Variants in RFTN2 observed in about 807,000 individuals in gnomAD.
RFTN2 encodes the protein raftlin-2.
In RFTN2, 34 loss-of-function variants were observed where a neutral mutation model predicts 52.7. The observed-to-expected ratio is 0.64, with a 90% CI of 0.49 to 0.86. The LOEUF is 0.86. RFTN2 is among the 40% of genes least tolerant of loss of function. RFTN2 has a pLI of 0.00. For missense variants in RFTN2, 536 were observed against 600.1 expected (o/e 0.89, Z 1.12); for synonymous variants, 203 against 217.7 (o/e 0.93, Z 0.59).
At chr2:197,634,498 T>C (rs775367138) in intron 3 of RFTN2, among the ~76,000 whole-genome samples, 10 of 152,074 alleles carry the variant, frequency 6.6e-5, no homozygotes, top group Non-Finnish European at 1.5e-5. Context: ...TGTGTAGGTA[T>C]AAAGCACAAG....
intron 3 of RFTN2, among the ~76,000 whole-genome samples, chr2:197,640,192 G>A (rs1442107516): frequency 1.1e-4 from 17 of 152,218 alleles, no homozygotes; most frequent in Non-Finnish European, 1.5e-4. Context: ...CTGTCTTTTT[G>A]TCTGTGCCCT....
intron 7 of RFTN2, among the ~76,000 whole-genome samples, chr2:197,604,228 C>T (rs1044177315): frequency 1.3e-5 from 2 of 152,170 alleles, no homozygotes; most frequent in African/African-American, 4.8e-5. Context: ...ATTTATCTAA[C>T]AAAGCTAAAG....
chr2:197,624,026 T>C (rs759136048), intron 5 of RFTN2, among the ~76,000 whole-genome samples: 3 of 152,110 alleles, frequency 2.0e-5, no homozygotes, highest in Admixed American at 6.6e-5. Flanking sequence ...CTCGAACTCC[T>C]GACCTCAAGT....
chr2:197,640,421 C>A (rs528588151), intron 3 of RFTN2, among the ~76,000 whole-genome samples: 409 of 101,234 alleles, frequency 4.0e-3, no homozygotes, highest in South Asian at 6.9e-3. Context: ...AGCCAGGTGC[C>A]GGATATAATC....
At chr2:197,619,784 TA>T (rs1240340514) in intron 5 of RFTN2, among the ~76,000 whole-genome samples, 66 of 147,768 alleles carry the variant, frequency 4.5e-4, no homozygotes, top group African/African-American at 1.3e-3. Flanking sequence ...AAAATAAAAT[TA>T]AAAAAAAACA....
chr2:197,600,946 C>A (rs1307063947), intron 7 of RFTN2, among the ~76,000 whole-genome samples: 2 of 152,142 alleles, frequency 1.3e-5, no homozygotes, highest in Non-Finnish European at 2.9e-5. Flanking sequence ...GTTTTGGTGA[C>A]AAGTATAGAG....
At chr2:197,658,808 G>A (rs562712151) in intron 1 of RFTN2, among the ~76,000 whole-genome samples, 1 of 152,124 alleles carries the variant, frequency 6.6e-6, no homozygotes, top group African/African-American at 2.4e-5. Context: ...TACATTATTT[G>A]TAAGAGCTTT....
chr2:197,583,614 G>A (rs111232582), intron 8 of RFTN2, among the ~76,000 whole-genome samples: 65,886 of 151,354 alleles, frequency 0.44, 14,734 homozygotes, highest in South Asian at 0.57. Flanking sequence ...AAAAGGACTG[G>A]ACAGTACTTC....
intron 8 of RFTN2, among the ~76,000 whole-genome samples, chr2:197,575,379 CGA>C (rs1319584452): frequency 6.6e-6 from 1 of 152,126 alleles, no homozygotes; most frequent in Admixed American, 6.5e-5. Flanking sequence ...TTATTTTGAG[CGA>C]GTGTCTAGAA....
At position 197,616,038 on chromosome 2, in the gene RFTN2, T is replaced by C. The variant is rs145667219; in HGVS notation, c.1051-59A>G. On this transcript the variant is annotated intron_variant, in intron 6 of 8. Coordinates refer to ENST00000295049, the MANE Select transcript of RFTN2 (RefSeq NM_144629.3). ...TGGCAAAGACAACCAACTACACAAT[T>C]ACAACAAAGGGTGATGCGTGTTAGG... 1.6e-5 allele frequency: 16 copies of C among 994,668 alleles called. No individual in the cohort carries two copies. In the African/African-American group the frequency reaches 2.6e-4, roughly 16 times the overall value. The allele number at this position is 994,668 out of a possible 1,614,324, so 61.6% of individuals were successfully genotyped here.
chr2:197,620,839 G>A (rs1205812882), intron 5 of RFTN2, among the ~76,000 whole-genome samples: 1 of 152,186 alleles, frequency 6.6e-6, no homozygotes, highest in Non-Finnish European at 1.5e-5. Context: ...GGTGGCGCAT[G>A]CCTGTAATCC....
intron 7 of RFTN2, among the ~76,000 whole-genome samples, chr2:197,608,521 C>G (rs1192829575): frequency 6.6e-6 from 1 of 151,372 alleles, no homozygotes; most frequent in Non-Finnish European, 1.5e-5. Context: ...ACCATGTTAG[C>G]TAGGCTGGTC....
chr2:197,594,847 T>C (rs1228266796), intron 8 of RFTN2, among the ~76,000 whole-genome samples: 1 of 152,226 alleles, frequency 6.6e-6, no homozygotes, highest in East Asian at 1.9e-4. Flanking sequence ...TGTGAGACAA[T>C]TTAGCATGAC....
Position 197,572,074 on chromosome 2 carries a change from G to T in RFTN2, c.1440C>A (p.Val480=), listed in dbSNP as rs764759168. The stretch of plus-strand genomic sequence containing the variant: ...ACTGTCCGTCGTCTAATTCCCGGAG[G>T]ACGTTGTCACTGCTGCTGAACCCAG... ...SFSGFSSSDN[V]LRELDDGQFD... is the part of the protein sequence containing the mutation. Residue 480 remains valine (V), a synonymous_variant, in exon 9 of 9, where the codon GTC becomes GTA. Transcript: ENST00000295049. 1.9e-6 allele frequency: 3 copies of T among 1,614,204 alleles called. No homozygotes were observed. The highest frequency in any genetic ancestry group is 1.1e-5 in the South Asian group (1 of 91,088).
intron 8 of RFTN2, among the ~76,000 whole-genome samples, chr2:197,573,415 C>T (rs563092173): frequency 6.6e-6 from 1 of 152,258 alleles, no homozygotes; most frequent in Admixed American, 6.5e-5. Context: ...ATATGTGGAA[C>T]TTTGAACTTG....
intron 3 of RFTN2, among the ~76,000 whole-genome samples, chr2:197,637,788 A>ATG (rs895425169): frequency 6.6e-6 from 1 of 151,090 alleles, no homozygotes; most frequent in African/African-American, 2.4e-5. Context: ...TAGCTTTTGA[A>ATG]TGTGTTTGCT....
chr2:197,585,585 C>T (rs1042742279), intron 8 of RFTN2, among the ~76,000 whole-genome samples: 6 of 152,182 alleles, frequency 3.9e-5, no homozygotes, highest in Non-Finnish European at 5.9e-5. Context: ...CCAGCTATCT[C>T]CACCACACTA....
intron 2 of RFTN2, 25 bp downstream of exon 2, chr2:197,646,458 C>A: frequency 6.3e-7 from 1 of 1,579,806 alleles, no homozygotes; most frequent in East Asian, 2.2e-5. Flanking sequence ...CCCTCACCTG[C>A]CTCTTTCTTG....
chr2:197,585,572 T>C (rs2087583309), intron 8 of RFTN2, among the ~76,000 whole-genome samples: 1 of 152,090 alleles, frequency 6.6e-6, no homozygotes, highest in Non-Finnish European at 1.5e-5. Context: ...CCTCTACCTC[T>C]CCCCAGCTAT....
Sources: allele counts gnomAD v4.1 joint callset (sites outside exome capture counted in the v4.1 genomes callset), GRCh38; gene constraint gnomAD v4.1.1; transcripts MANE v1.5; gene names NCBI Gene and HGNC (gene_info 2026-07-23, HGNC 2026-07-21).